The following IQCH variants were observed in gnomAD, a reference collection of about 807,000 sequenced individuals.
IQCH encodes the protein IQ domain-containing protein H.
IQCH carries 98 observed loss-of-function variants against 117.0 expected under a neutral mutation model. That is an observed-to-expected ratio of 0.84 (90% CI 0.71 to 0.99). The LOEUF (loss-of-function observed/expected upper bound fraction) is 0.99. Among genes scored for constraint, IQCH ranks in the 50% least tolerant of loss-of-function variants. IQCH has a pLI of 0.00. For synonymous variants in IQCH, 412 were observed against 448.2 expected, an observed-to-expected ratio of 0.92 and a Z score of 1.02; for missense variants, 1,102 against 1,243.8, an observed-to-expected ratio of 0.89 and a Z score of 1.72.
At chr15:67,295,578 C>T (rs772836612) in intron 4 of IQCH, among the ~76,000 whole-genome samples, 10 of 152,124 alleles carry the variant, frequency 6.6e-5, no homozygotes, top group East Asian at 1.9e-4. Flanking sequence ...AGCTAGGAGG[C>T]GTCTGCTCCT....
chr15:67,321,577 C>T (rs1220083501), intron 4 of IQCH, among the ~76,000 whole-genome samples: 1 of 141,488 alleles, frequency 7.1e-6, no homozygotes, highest in African/African-American at 2.6e-5. Flanking sequence ...CCCTTTCTTC[C>T]TCTCCCTTTC....
At chr15:67,383,993 G>A (rs2140827047) in intron 10 of IQCH, among the ~76,000 whole-genome samples, 1 of 152,270 alleles carries the variant, frequency 6.6e-6, no homozygotes, top group East Asian at 1.9e-4. Flanking sequence ...AAGGAAATGT[G>A]TGTCACATCT....
chr15:67,370,819 A>G lies in IQCH; in HGVS notation c.754-1292A>G, dbSNP rs1970499937. Among the ~76,000 whole-genome samples, 1 of 152,190 alleles carries G rather than the reference A, an allele frequency of 6.6e-6. No homozygotes were observed. The highest frequency in any genetic ancestry group is 2.4e-5 in the African/African-American group (1 of 41,446). On this transcript the variant is annotated intron_variant, in intron 8 of 20. Transcript: ENST00000335894. This position sits in a 1 kb window ranked among gnomAD's most constrained non-coding sequence, Gnocchi z 5.6. ...GGAAATTTGCACTTTTGGACTTAAC[A>G]CTTGTTTTTCAGCATTTTTACTTGA...
intron 4 of IQCH, among the ~76,000 whole-genome samples, chr15:67,302,886 C>A (rs772258998): frequency 2.0e-5 from 3 of 152,038 alleles, no homozygotes; most frequent in Non-Finnish European, 4.4e-5. Flanking sequence ...CAACAAAAAA[C>A]CATGCTATTA....
At chr15:67,373,589 G>A (rs934484945) in intron 10 of IQCH, 156 bp downstream of exon 10, 14 of 683,614 alleles carry the variant, frequency 2.0e-5, no homozygotes, top group Admixed American at 1.9e-4. Context: ...CAGGACCCTC[G>A]CTTGAAACGG....
Position 67,364,436 on chromosome 15 carries a change from T to G in IQCH, c.753+4551T>G, listed in dbSNP as rs967592147. Among the ~76,000 whole-genome samples, 1 of 152,206 alleles carries G rather than the reference T, an allele frequency of 6.6e-6. No individual in the cohort carries two copies. Among genetic ancestry groups the G allele is most frequent in the African/African-American group, 2.4e-5 (1 of 41,450 alleles). On this transcript the variant is annotated intron_variant, in intron 8 of 20. Coordinates refer to ENST00000335894, the MANE Select transcript of IQCH (RefSeq NM_001031715.3). This position sits in a 1 kb window ranked among gnomAD's most constrained non-coding sequence, Gnocchi z 4.1. ...CCAAACAATTTTTTTGAAATTCTTG[T>G]GGAACAATTTTTCTTGTAATTACCG...
rs1436648320 is a variant in IQCH at position 67,373,340 on chromosome 15, C to G, written c.1306-27C>G. ...ATGAATCCACTACAGCTTCCTGTCACTGATCAATGCTCTTCTTGATTTTTA... is the reference window on the plus strand; with the variant it reads ...ATGAATCCACTACAGCTTCCTGTCAGTGATCAATGCTCTTCTTGATTTTTA... On this transcript the variant is annotated intron_variant, in intron 9 of 20. Coordinates refer to ENST00000335894, the MANE Select transcript of IQCH (RefSeq NM_001031715.3). 3.9e-6 allele frequency: 6 copies of G among 1,558,290 alleles called. No individual in the cohort carries two copies. In the Admixed American group the frequency reaches 6.7e-5, roughly 17 times the overall value.
chr15:67,310,921 A>T (rs1358462985), intron 4 of IQCH, among the ~76,000 whole-genome samples: 1 of 152,156 alleles, frequency 6.6e-6, no homozygotes, highest in Non-Finnish European at 1.5e-5. Flanking sequence ...AACATCCTAA[A>T]ATGTTACATG....
chr15:67,360,084 T>C (rs767347691), intron 8 of IQCH, 199 bp downstream of exon 8: 87 of 528,100 alleles, frequency 1.6e-4, no homozygotes, highest in Non-Finnish European at 2.4e-4. Context: ...AAACCCTTTT[T>C]TGCCTCCTTT....
In IQCH at chr15:67,372,486, C is replaced by G; in HGVS notation, c.1129C>G (p.Gln377Glu). ...DGNSEAAMKI[Q>E]ATWKCYKARK... The stretch of plus-strand genomic sequence containing the variant: ...AAATTCGGAGGCCGCCATGAAGATC[C>G]AAGCCACATGGAAATGCTACAAAGC... The change falls in exon 9 of 21, where the codon CAA (glutamine) becomes GAA (glutamate). Residue 377 changes from glutamine (Q) to glutamate (E), a missense_variant. Physicochemically the swap from Gln to Glu is conservative, Grantham distance 29. Around this residue, in one of 2 missense-constraint regions of IQCH, gnomAD observed 452 missense variants for 449.6 expected, o/e 1.01. Transcript: ENST00000335894. 1 of 1,614,006 alleles carries G rather than the reference C, an allele frequency of 6.2e-7. No individual in the cohort carries two copies. The highest frequency in any genetic ancestry group is 1.1e-5 in the South Asian group (1 of 91,066).
Position 67,474,067 on chromosome 15 carries a change from AGT to A in IQCH, c.2677-1593_2677-1592del, listed in dbSNP as rs36050088. ...GTCACCAAAAGTGCCACGAAATCTG[AGT>A]GTGTGTGTGTGTGTGTGTGTGTGTG... On this transcript the variant is annotated intron_variant, in intron 17 of 20. Transcript: ENST00000335894. The surrounding 1 kb of genome is among the most constrained non-coding windows in gnomAD (Gnocchi z 4.1). Among the ~76,000 whole-genome samples, 2,391 of 138,060 alleles carry A rather than the reference AGT, an allele frequency of 0.017. 26 individuals are homozygous for A. The highest frequency in any genetic ancestry group is 0.031 in the African/African-American group (1,135 of 37,050). The allele number at this position is 138,060 out of a possible 152,430, so 90.6% of individuals were successfully genotyped here.
At position 67,431,035 on chromosome 15, in the gene IQCH, G is replaced by T. The variant is rs953474061; in HGVS notation, c.2505+9458G>T. Among the ~76,000 whole-genome samples, 2 of 152,234 alleles carry T rather than the reference G, an allele frequency of 1.3e-5. No homozygotes were observed. The highest frequency in any genetic ancestry group is 4.2e-4 in the South Asian group (2 of 4,816). On this transcript the variant is annotated intron_variant, in intron 16 of 20. Coordinates refer to ENST00000335894, the MANE Select transcript of IQCH (RefSeq NM_001031715.3). This position sits in a 1 kb window ranked among gnomAD's most constrained non-coding sequence, Gnocchi z 4.8. ...TTGCAGAGAAGGTGGGATTTGAGCC[G>T]AAAGAAAATTAGGATATGAGGAGGG...
At position 67,279,474 on chromosome 15, in the gene IQCH, C is replaced by T; in HGVS notation, c.349C>T (p.Gln117Ter). The change falls in exon 4 of 21, where the codon CAG becomes TAG. Residue 117 changes from glutamine (Q) to a stop codon, truncating the protein, a stop_gained. Coordinates refer to ENST00000335894, the MANE Select transcript of IQCH (RefSeq NM_001031715.3). LOFTEE classifies it high-confidence loss of function. ...GGGTACATTTTGGCAACCCCAAAGACAGCACAGTTCATCTCTGCCTGTCTT... is the reference window on the plus strand; with the variant it reads ...GGGTACATTTTGGCAACCCCAAAGATAGCACAGTTCATCTCTGCCTGTCTT... Reference protein sequence around the residue: ...SEGTFWQPQRQHSSSLPVFPR... With the variant: ...SEGTFWQPQR 6.2e-7 allele frequency: 1 copy of T among 1,607,544 alleles called. No individual in the cohort carries two copies.
chr15:67,423,622 G>A (rs2081807070), intron 16 of IQCH, among the ~76,000 whole-genome samples: 1 of 151,032 alleles, frequency 6.6e-6, no homozygotes, highest in South Asian at 2.1e-4. Context: ...AGAAAAAAAG[G>A]CTGGGCACGG....
intron 3 of IQCH, among the ~76,000 whole-genome samples, chr15:67,264,591 A>T (rs190912282): frequency 3.0e-4 from 45 of 152,316 alleles, no homozygotes; most frequent in East Asian, 7.7e-4. Context: ...AAAGAGATCC[A>T]GAGAGTGGAA....
intron 4 of IQCH, among the ~76,000 whole-genome samples, chr15:67,297,887 A>G (rs752910776): frequency 6.6e-6 from 1 of 152,284 alleles, no homozygotes; most frequent in Admixed American, 6.5e-5. Context: ...AACCATCAAC[A>G]AAGAGACAAC....
At chr15:67,480,649 TAGTC>T (rs2083316361) in intron 18 of IQCH, among the ~76,000 whole-genome samples, 1 of 152,118 alleles carries the variant, frequency 6.6e-6, no homozygotes, top group South Asian at 2.1e-4. Flanking sequence ...ACTGGCTTGG[TAGTC>T]AGGCAATGAG....
At position 67,385,070 on chromosome 15, in the gene IQCH, A is replaced by G. The variant is rs1971067900; in HGVS notation, c.1456+51A>G. On this transcript the variant is annotated intron_variant, in intron 11 of 20. Coordinates refer to ENST00000335894, the MANE Select transcript of IQCH (RefSeq NM_001031715.3). The surrounding 1 kb of genome is among the most constrained non-coding windows in gnomAD (Gnocchi z 4.6). ...GACTCTTTGGAATGTTTATCAGTGG[A>G]TGTTGATAGAATGTGTTGTTTTGTT... 1 of 1,106,114 alleles carries G rather than the reference A, an allele frequency of 9.0e-7. No homozygotes were observed. The highest frequency in any genetic ancestry group is 1.4e-6 in the Non-Finnish European group (1 of 726,640). 68.5% of individuals were successfully genotyped at this position (1,106,114 alleles called of 1,614,324 possible).
At chr15:67,295,792 C>G (rs1408217877) in intron 4 of IQCH, among the ~76,000 whole-genome samples, 2 of 152,128 alleles carry the variant, frequency 1.3e-5, no homozygotes, top group African/African-American at 4.8e-5. Flanking sequence ...ATGGAAGTGT[C>G]CCTTTCCTAT....
Sources: allele counts gnomAD v4.1 joint callset (sites outside exome capture counted in the v4.1 genomes callset), GRCh38; gene constraint gnomAD v4.1.1; regional missense constraint gnomAD v4.1.1; non-coding constraint Gnocchi (gnomAD v3.1); transcripts MANE v1.5; gene names NCBI Gene and HGNC (gene_info 2026-07-23, HGNC 2026-07-21).